Variants in TPM4 observed in about 807,000 individuals in gnomAD.
TPM4 encodes the protein tropomyosin 4.
Under a neutral mutation model 35.8 loss-of-function variants are expected in TPM4, and 17 were observed. That is an observed-to-expected ratio of 0.47 (90% confidence interval 0.32 to 0.71). The LOEUF is 0.71. Among genes scored for constraint, TPM4 ranks in the 30% least tolerant of loss-of-function variants. The pLI, the probability that TPM4 is intolerant of heterozygous loss-of-function variation, is 0.03. For missense variants in TPM4, 240 were observed against 320.9 expected (o/e 0.75, Z 1.93); for synonymous variants, 120 against 122.9 (o/e 0.98, Z 0.15).
At chr19:16,085,583 G>GA (rs2090540572) in intron 2 of TPM4, among the ~76,000 whole-genome samples, 1 of 152,062 alleles carries the variant, frequency 6.6e-6, no homozygotes, top group Non-Finnish European at 1.5e-5. Context: ...AAAAGAAAAA[G>GA]AAAGGGGGCA....
chr19:16,088,816 C>G lies in TPM4; in HGVS notation c.456-229C>G, dbSNP rs930385401. 24 of 1,310,922 alleles carry G rather than the reference C, an allele frequency of 1.8e-5. No individual in the cohort carries two copies. The Admixed American group carries it at 4.9e-4, about 27-fold the overall frequency. The allele number at this position is 1,310,922 out of a possible 1,614,324, so 81.2% of individuals were successfully genotyped here. On this transcript the variant is annotated intron_variant, in intron 4 of 7. Transcript: ENST00000643579. ...GACCAGGAGTGTTTTCCAAGCCCTC[C>G]AAATACTCTTCGGGCGCACCTCGCC...
intron 2 of TPM4, among the ~76,000 whole-genome samples, chr19:16,086,220 G>T (rs1363491551): frequency 6.6e-6 from 1 of 151,506 alleles, no homozygotes; most frequent in Non-Finnish European, 1.5e-5. Context: ...CATGGTGACG[G>T]GTGCCTGTAA....
chr19:16,089,216 C>G, intron 5 of TPM4, 96 bp downstream of exon 5: 1 of 1,521,390 alleles, frequency 6.6e-7, no homozygotes, highest in Non-Finnish European at 9.0e-7. Flanking sequence ...GGGGAATCTG[C>G]CCTTTATTTA....
intron 5 of TPM4, among the ~76,000 whole-genome samples, chr19:16,092,640 A>G (rs1188224630): frequency 2.0e-5 from 3 of 151,728 alleles, no homozygotes; most frequent in African/African-American, 4.8e-5. Flanking sequence ...GGTTTAAGCA[A>G]TTCTCATGCC....
At chr19:16,069,767 AGTGT>A (rs1049516897) in intron 2 of TPM4, among the ~76,000 whole-genome samples, 2 of 134,390 alleles carry the variant, frequency 1.5e-5, no homozygotes, top group Admixed American at 7.2e-5. Context: ...TGTGTGGATG[AGTGT>A]GTGTTTCGAT....
intron 2 of TPM4, among the ~76,000 whole-genome samples, chr19:16,083,933 T>A (rs2090517370): frequency 6.6e-6 from 1 of 152,000 alleles, no homozygotes; most frequent in Non-Finnish European, 1.5e-5. Flanking sequence ...CATGCCCAGC[T>A]AATTTTTTTT....
Position 16,101,492 on chromosome 19 carries a change from A to G in TPM4, c.*146A>G, listed in dbSNP as rs771566213. On this transcript the variant is annotated 3_prime_UTR_variant, in exon 8 of 8. Transcript: ENST00000643579. Reference sequence around the variant, plus strand: ...ATGAATACATGACCAAATATTTTGTATCGGAGAAGCTTTGAGCACCAGTTA... The same window carrying G: ...ATGAATACATGACCAAATATTTTGTGTCGGAGAAGCTTTGAGCACCAGTTA... 112 of 546,672 alleles carry G rather than the reference A, an allele frequency of 2.0e-4. No homozygotes were observed. Among genetic ancestry groups the G allele is most frequent in the Non-Finnish European group, 3.8e-5 (12 of 317,338 alleles). The allele number at this position is 546,672 out of a possible 1,614,324, so 33.9% of individuals were successfully genotyped here.
intron 1 of TPM4, among the ~76,000 whole-genome samples, chr19:16,077,717 C>A (rs1187480668): frequency 2.0e-5 from 3 of 151,912 alleles, no homozygotes; most frequent in Non-Finnish European, 4.4e-5. Flanking sequence ...GAGTAAATCT[C>A]AGGCGTGGAG....
At chr19:16,088,987 G>T in intron 4 of TPM4, 58 bp from the exon 5 acceptor site, 1 of 1,610,564 alleles carries the variant, frequency 6.2e-7, no homozygotes, top group Non-Finnish European at 8.5e-7. Flanking sequence ...TGGGGCGATT[G>T]CTATTATTGC....
intron 7 of TPM4, among the ~76,000 whole-genome samples, chr19:16,096,936 C>T (rs1214317287): frequency 1.3e-4 from 9 of 69,052 alleles, no homozygotes; most frequent in South Asian, 1.3e-3. Flanking sequence ...CAAGGTCACT[C>T]TTTTTTTTTT....
chr19:16,071,932 G>A (rs2090360091), upstream of TPM4, among the ~76,000 whole-genome samples: 1 of 152,198 alleles, frequency 6.6e-6, no homozygotes, highest in African/African-American at 2.4e-5. Flanking sequence ...ATGACAGATA[G>A]GGAAACTGAG....
chr19:16,082,171 A>T, intron 2 of TPM4, 125 bp downstream of exon 2: 2 of 1,312,848 alleles, frequency 1.5e-6, no homozygotes, highest in Non-Finnish European at 2.1e-6. Context: ...GTCCACAAAA[A>T]AGTGCATGAC....
At chr19:16,076,414 C>T (rs2090405831), upstream of TPM4, 2 of 1,353,852 alleles carry the variant, frequency 1.5e-6, no homozygotes, top group Non-Finnish European at 1.9e-6. Flanking sequence ...CTCATCGCCC[C>T]GACGGCAGCC....
At chr19:16,090,335 C>G (rs902281080) in intron 5 of TPM4, among the ~76,000 whole-genome samples, 3 of 147,768 alleles carry the variant, frequency 2.0e-5, no homozygotes, top group Admixed American at 1.4e-4. Flanking sequence ...CTAGGCTGGT[C>G]TTAAACTCCT....
chr19:16,075,876 G>A, upstream of TPM4: 2 of 951,058 alleles, frequency 2.1e-6, no homozygotes, highest in South Asian at 1.8e-5. Context: ...CCACTATCAG[G>A]TAGCATGGAT....
rs1599389235 is a variant in TPM4, at chr19:16,102,511, C to T, written c.*1165C>T. On this transcript the variant is annotated 3_prime_UTR_variant, in exon 8 of 8. Transcript: ENST00000643579. ...GTTTTTATCTATTAGCAGAAAGGGC[C>T]TCTCTGGCAGCAGAGATTAAAAACT... The T allele has an allele frequency of 8.8e-6, 2 of 226,436 alleles. No individual in the cohort carries two copies. The highest frequency in any genetic ancestry group is 1.3e-4 in the East Asian group (2 of 15,742). The allele number at this position is 226,436 out of a possible 1,614,324, so 14.0% of individuals were successfully genotyped here. A position where few individuals can be genotyped will look rare whatever the true frequency, so the allele number is the denominator to read the frequency against.
chr19:16,071,785 G>A (rs558426760), upstream of TPM4, among the ~76,000 whole-genome samples: 2 of 152,290 alleles, frequency 1.3e-5, no homozygotes, highest in South Asian at 4.1e-4. Context: ...TGTGGGAAAA[G>A]GACAAAGAGG....
intron 7 of TPM4, among the ~76,000 whole-genome samples, chr19:16,097,934 T>C (rs532143292): frequency 5.9e-5 from 9 of 152,154 alleles, no homozygotes; most frequent in Non-Finnish European, 1.3e-4. Context: ...CTGCCGTCCA[T>C]CCTGAACTTC....
chr19:16,073,250 T>C (rs1369380844), upstream of TPM4, among the ~76,000 whole-genome samples: 1 of 152,094 alleles, frequency 6.6e-6, no homozygotes, highest in Non-Finnish European at 1.5e-5. Flanking sequence ...TGCTGTCAGA[T>C]TTGCTCTCAC....
Sources: allele counts gnomAD v4.1 joint callset (sites outside exome capture counted in the v4.1 genomes callset), GRCh38; gene constraint gnomAD v4.1.1; transcripts MANE v1.5; gene names NCBI Gene and HGNC (gene_info 2026-07-23, HGNC 2026-07-21).